The following SPTAN1 variants were observed in gnomAD, a reference collection of about 807,000 sequenced individuals.
The protein encoded by SPTAN1 is spectrin alpha, non-erythrocytic 1, also known as spectrin alpha chain, non-erythrocytic 1.
In SPTAN1, 61 loss-of-function variants were observed where a neutral mutation model predicts 331.3. That is an observed-to-expected ratio of 0.18 (90% confidence interval 0.15 to 0.23). The LOEUF is 0.23. Among genes scored for constraint, SPTAN1 ranks in the 10% least tolerant of loss-of-function variants. SPTAN1 has a pLI of 1.00. For synonymous variants in SPTAN1, 1,153 were observed against 1,173.9 expected (o/e 0.98, Z 0.36); for missense variants, 2,043 against 3,147.9 (o/e 0.65, Z 8.40).
intron 4 of SPTAN1, 115 bp downstream of exon 4, chr9:128,574,930 G>C (rs1481777787): frequency 3.0e-5 from 43 of 1,457,080 alleles, no homozygotes; most frequent in Non-Finnish European, 4.0e-5. Context: ...TTAAGTAAAA[G>C]GGTGGAAGTG....
At position 128,632,927 on chromosome 9, in the gene SPTAN1, C is replaced by G; in HGVS notation, c.7280C>G (p.Pro2427Arg). 6.2e-7 allele frequency: 1 copy of G among 1,613,284 alleles called. No individual in the cohort carries two copies. Among genetic ancestry groups the G allele is most frequent in the Admixed American group, 1.7e-5 (1 of 60,026 alleles). The change falls in exon 56 of 57, where the codon CCT (proline) becomes CGT (arginine). Residue 2427 changes from proline to arginine, a missense_variant. Pro to Arg is a moderately radical substitution (Grantham distance 103). Around this residue, in one of 12 missense-constraint regions of SPTAN1, gnomAD observed 88 missense variants for 96.5 expected, o/e 0.91. Transcript: ENST00000372739. ...CGGGCCCTCAGCTCAGAGGGAAAGCCTTACGTGACCAAGGAGGAGCTCTAC... is the reference window on the plus strand; with the variant it reads ...CGGGCCCTCAGCTCAGAGGGAAAGCGTTACGTGACCAAGGAGGAGCTCTAC... Reference protein sequence around the residue: ...AFRALSSEGKPYVTKEELYQN... With the variant: ...AFRALSSEGKRYVTKEELYQN...
chr9:128,572,698 G>T (rs1235888944), intron 3 of SPTAN1, among the ~76,000 whole-genome samples: 3 of 152,188 alleles, frequency 2.0e-5, no homozygotes, highest in African/African-American at 7.2e-5. Flanking sequence ...GCAGAGGAAG[G>T]TGGGTGGCAT....
intron 48 of SPTAN1, 29 bp from the exon 49 acceptor site, chr9:128,626,362 T>C: frequency 6.2e-7 from 1 of 1,611,902 alleles, no homozygotes; most frequent in Non-Finnish European, 8.5e-7. Flanking sequence ...CCCTGGCGAC[T>C]CCGCCAACTC....
In SPTAN1 at chr9:128,621,228, G is replaced by C. The variant is rs1252545530; in HGVS notation, c.5804G>C (p.Cys1935Ser). The change falls in exon 45 of 57, where the codon TGC becomes TCC. Residue 1935 changes from cysteine (C) to serine (S), a missense_variant. Cys to Ser is a moderately radical substitution (Grantham distance 112, BLOSUM62 -1). Around this residue, in one of 12 missense-constraint regions of SPTAN1, gnomAD observed 323 missense variants for 581.1 expected, o/e 0.56. Transcript: ENST00000372739. ...TVHKDRVNDV[C>S]TNGQDLIKKN... ...CACAAGGATCGCGTGAATGATGTCT[G>C]CACCAATGGACAAGACCTCATTAAG... 1 of 1,613,906 alleles carries C rather than the reference G, an allele frequency of 6.2e-7. No individual in the cohort carries two copies. The highest frequency in any genetic ancestry group is 1.7e-5 in the Admixed American group (1 of 60,006).
Position 128,627,835 on chromosome 9 carries a change from T to C in SPTAN1, c.6690-90T>C, listed in dbSNP as rs977817619. ...TGATGTTCTTGCTTTTGTTTTCCTT[T>C]CTTTCTTGTGTCTTCTCTCTGTCCC... On this transcript the variant is annotated intron_variant, in intron 50 of 56. Transcript: ENST00000372739. This position sits in a 1 kb window ranked among gnomAD's most constrained non-coding sequence, Gnocchi z 4.9. 60 of 1,506,038 alleles carry C rather than the reference T, an allele frequency of 4.0e-5. No homozygotes were observed. Among genetic ancestry groups the C allele is most frequent in the Admixed American group, 1.8e-4 (11 of 59,862 alleles). 93.3% of individuals were successfully genotyped at this position (1,506,038 alleles called of 1,614,324 possible). A position where few individuals can be genotyped will look rare whatever the true frequency, so the allele number is the denominator to read the frequency against.
At chr9:128,587,150 A>G (rs1055082417) in intron 19 of SPTAN1, among the ~76,000 whole-genome samples, 16 of 151,624 alleles carry the variant, frequency 1.1e-4, no homozygotes, top group African/African-American at 3.4e-4. Flanking sequence ...CAGTGATGCA[A>G]TCACGACTCC....
intron 26 of SPTAN1, 92 bp from the exon 27 acceptor site, chr9:128,599,988 C>T (rs1415430802): frequency 2.2e-6 from 3 of 1,355,074 alleles, no homozygotes; most frequent in Non-Finnish European, 2.1e-6. Context: ...GGGATCTCCC[C>T]TGGGGGAAAC....
rs1859033833 is a variant in SPTAN1 at position 128,627,991 on chromosome 9, T to G, written c.6707+49T>G. 1 of 1,612,764 alleles carries G rather than the reference T, an allele frequency of 6.2e-7. No homozygotes were observed. Among genetic ancestry groups the G allele is most frequent in the Admixed American group, 1.7e-5 (1 of 59,990 alleles). ...CTGGGCTTGTCATGTGGGGGTCTCGTGCGCTTGCCCCTCGTGGCCTGGCTT... is the reference window on the plus strand; with the variant it reads ...CTGGGCTTGTCATGTGGGGGTCTCGGGCGCTTGCCCCTCGTGGCCTGGCTT... On this transcript the variant is annotated intron_variant, in intron 51 of 56. Transcript: ENST00000372739. This position sits in a 1 kb window ranked among gnomAD's most constrained non-coding sequence, Gnocchi z 4.9.
Position 128,613,485 on chromosome 9 carries a change from G to A in SPTAN1, c.5148G>A (p.Glu1716=). Residue 1716 remains glutamate (E), a splice_region_variant and synonymous_variant, in exon 40 of 57, where the codon GAG becomes GAA. Transcript: ENST00000372739. ...QLLEADISAH[E]DRLKDLNSQA... ...TGGAAGCAGATATATCTGCCCATGA[G>A]GTAAGCAAAGGGAGGCGGGCCAGGC... 1 of 1,613,910 alleles carries A rather than the reference G, an allele frequency of 6.2e-7. No homozygotes were observed. Among genetic ancestry groups the A allele is most frequent in the Non-Finnish European group, 8.5e-7 (1 of 1,179,876 alleles).
chr9:128,616,651 C>T (rs552049481), intron 41 of SPTAN1, among the ~76,000 whole-genome samples: 95 of 151,792 alleles, frequency 6.3e-4, no homozygotes, highest in African/African-American at 2.3e-3. Flanking sequence ...CCTGTGGTCC[C>T]AGCTGCTTGT....
rs753429285 is a variant in SPTAN1 at position 128,633,558 on chromosome 9, G to A, written c.*224G>A. The A allele has an allele frequency of 4.2e-4, 448 of 1,061,482 alleles. No individual in the cohort carries two copies. The highest frequency in any genetic ancestry group is 5.6e-4 in the Non-Finnish European group (405 of 723,714). 65.8% of individuals were successfully genotyped at this position (1,061,482 alleles called of 1,614,324 possible). ...GTCTTGAAGCAGCTGCCCTCATTCCGACTTCAGAAAATCGAAGCAGCTGGC... is the reference window on the plus strand; with the variant it reads ...GTCTTGAAGCAGCTGCCCTCATTCCAACTTCAGAAAATCGAAGCAGCTGGC... On this transcript the variant is annotated 3_prime_UTR_variant, in exon 57 of 57. Coordinates refer to ENST00000372739, the MANE Select transcript of SPTAN1 (RefSeq NM_001130438.3).
intron 2 of SPTAN1, among the ~76,000 whole-genome samples, chr9:128,567,411 C>A (rs59442689): frequency 8.3e-4 from 127 of 152,334 alleles, no homozygotes; most frequent in African/African-American, 2.8e-3. Context: ...CCAGCCTCAG[C>A]CTCCCAGGTT....
rs372785209 is a variant in SPTAN1 at position 128,585,788 on chromosome 9, G to A, written c.2601G>A (p.Glu867=). The change falls in exon 19 of 57, where the codon GAG becomes GAA. Residue 867 remains glutamate, a synonymous_variant. Coordinates refer to ENST00000372739, the MANE Select transcript of SPTAN1 (RefSeq NM_001130438.3). Reference sequence around the variant, plus strand: ...AGGATGTGAAGGCCAAGCTTCACGAGCTGAACCAAAAGTGGGAGGCACTGA... The same window carrying A: ...AGGATGTGAAGGCCAAGCTTCACGAACTGAACCAAAAGTGGGAGGCACTGA... ...AAEDVKAKLH[E]LNQKWEALKA... 6.2e-7 allele frequency: 1 copy of A among 1,614,194 alleles called. No individual in the cohort carries two copies. The highest frequency in any genetic ancestry group is 1.3e-5 in the African/African-American group (1 of 75,048).
intron 17 of SPTAN1, 86 bp downstream of exon 17, chr9:128,584,611 G>A (rs538924531): frequency 1.2e-6 from 2 of 1,613,928 alleles, no homozygotes; most frequent in Admixed American, 1.7e-5. Flanking sequence ...GGATGGGCAG[G>A]GTCGAATTTA....
chr9:128,615,555 G>C (rs1857062936), intron 40 of SPTAN1, 77 bp from the exon 41 acceptor site: 1 of 1,468,980 alleles, frequency 6.8e-7, no homozygotes, highest in African/African-American at 1.4e-5. Context: ...TCTCAGTAAG[G>C]AATTCCTGAG....
At chr9:128,603,670 G>A (rs959358226) in intron 28 of SPTAN1, 80 bp downstream of exon 28, 11 of 1,549,806 alleles carry the variant, frequency 7.1e-6, no homozygotes, top group Admixed American at 3.3e-5. Flanking sequence ...CAGAGCTCTT[G>A]TTCTTGTCAA....
intron 51 of SPTAN1, chr9:128,628,211 T>C (rs1377566526): frequency 3.2e-6 from 2 of 634,014 alleles, no homozygotes; most frequent in African/African-American, 3.6e-5. Context: ...GTAGGGAAGG[T>C]GATGAAGCAC....
chr9:128,568,694 G>C, intron 2 of SPTAN1, 78 bp from the exon 3 acceptor site: 1 of 1,595,606 alleles, frequency 6.3e-7, no homozygotes. Flanking sequence ...GAGGAGGGGA[G>C]GAACACGGGG....
chr9:128,584,663 A>G, intron 17 of SPTAN1, 58 bp from the exon 18 acceptor site: 1 of 1,614,192 alleles, frequency 6.2e-7, no homozygotes, highest in Non-Finnish European at 8.5e-7. Context: ...AGAATGACAA[A>G]TCAGTGCTGA....
Sources: gnomAD v4.1 joint callset for allele counts (sites outside exome capture counted in the v4.1 genomes callset) on GRCh38, gnomAD v4.1.1 for gene constraint, gnomAD v4.1.1 regional missense constraint, Gnocchi (gnomAD v3.1) non-coding constraint, MANE v1.5 for transcripts, NCBI Gene and HGNC (gene_info 2026-07-23, HGNC 2026-07-21) for gene names.